PDLIM2: variants seen among roughly 807,000 people sequenced by gnomAD.
PDLIM2 encodes the protein PDZ and LIM domain 2, also known as PDZ and LIM domain protein 2.
In PDLIM2, 51 loss-of-function variants were observed where a neutral mutation model predicts 54.1. The observed-to-expected ratio is 0.94, with a 90% CI of 0.75 to 1.19. The LOEUF (loss-of-function observed/expected upper bound fraction) is 1.19. Ranked by LOEUF, PDLIM2 falls within the 50% of genes most tolerant of loss-of-function variation. PDLIM2 has a pLI of 0.00. For synonymous variants in PDLIM2, 398 were observed against 385.6 expected (o/e 1.03, Z -0.38); for missense variants, 912 against 874.0 (o/e 1.04, Z -0.55).
At chr8:22,586,691 G>C (rs1285593450) in intron 6 of PDLIM2, among the ~76,000 whole-genome samples, 1 of 152,140 alleles carries the variant, frequency 6.6e-6, no homozygotes, top group Non-Finnish European at 1.5e-5. Context: ...TCTGTTCCGC[G>C]ACACCTCTGG....
intron 9 of PDLIM2, 32 bp downstream of exon 8, chr8:22,591,700 C>A: frequency 6.4e-7 from 1 of 1,574,146 alleles, no homozygotes; most frequent in Non-Finnish European, 8.7e-7. Context: ...GGACCTGAGC[C>A]TTCACAGGGG....
At chr8:22,591,516 G>A in intron 8 of PDLIM2, 35 bp from the exon 8 acceptor site, 2 of 1,570,964 alleles carry the variant, frequency 1.3e-6, no homozygotes, top group Middle Eastern at 1.7e-4. Flanking sequence ...GTGGTTGGTG[G>A]GCTCTCACCA....
chr8:22,582,012 C>T (rs754820254), intron 3 of PDLIM2, among the ~76,000 whole-genome samples: 1 of 152,244 alleles, frequency 6.6e-6, no homozygotes, highest in Non-Finnish European at 1.5e-5. Context: ...TCCTCCCCAT[C>T]ACTGAAGGCA....
chr8:22,589,793 G>A (rs1800490554), intron 8 of PDLIM2, 52 bp downstream of exon 7: 2 of 1,547,278 alleles, frequency 1.3e-6, no homozygotes, highest in Non-Finnish European at 1.7e-6. Flanking sequence ...CCGTACCCCG[G>A]GCCCTGACTG....
At chr8:22,589,837 G>A in intron 8 of PDLIM2, 96 bp downstream of exon 7, 1 of 1,481,406 alleles carries the variant, frequency 6.8e-7, no homozygotes, top group Non-Finnish European at 9.1e-7. Flanking sequence ...TTAAGTGCCT[G>A]TGAGGTGCTC....
At position 22,589,587 on chromosome 8, in the gene PDLIM2, A is replaced by T; in HGVS notation, c.1368-9A>T. On this transcript the variant is annotated splice_polypyrimidine_tract_variant and intron_variant, in intron 7 of 9. Coordinates refer to ENST00000308354, the Ensembl canonical transcript of PDLIM2. ...GGACCCTCATTCCTGGCTGCCTCCC[A>T]CCCTGCAGCATGGACTCGGAAGGGG... 1 of 1,591,236 alleles carries T rather than the reference A, an allele frequency of 6.3e-7. No homozygotes were observed. Among genetic ancestry groups the T allele is most frequent in the Non-Finnish European group, 8.5e-7 (1 of 1,170,560 alleles).
Position 22,589,143 on chromosome 8 carries a change from C to T in PDLIM2, c.1291-155C>T, listed in dbSNP as rs529222871. 3 of 598,198 alleles carry T rather than the reference C, an allele frequency of 5.0e-6. No individual in the cohort carries two copies. The South Asian group carries it at 5.8e-5, about 11-fold the overall frequency. The allele number at this position is 598,198 out of a possible 1,614,324, so 37.1% of individuals were successfully genotyped here. On this transcript the variant is annotated intron_variant, in intron 6 of 9. Transcript: ENST00000308354. ...GTCGGCGAGGGCTGGGAGCCCCCGA[C>T]ACCTTGGCTCCAAGGGAAGGGGCAG...
At chr8:22,586,629 A>G (rs989702516) in intron 6 of PDLIM2, among the ~76,000 whole-genome samples, 1 of 152,044 alleles carries the variant, frequency 6.6e-6, no homozygotes, top group African/African-American at 2.4e-5. Flanking sequence ...TTGTTCTGAG[A>G]TGAGCCAGGA....
At chr8:22,591,518 C>T in intron 8 of PDLIM2, 33 bp from the exon 8 acceptor site, 2 of 1,583,912 alleles carry the variant, frequency 1.3e-6, no homozygotes, top group South Asian at 2.2e-5. Context: ...GGTTGGTGGG[C>T]TCTCACCACA....
At chr8:22,597,274 G>C (rs1016922333), downstream of PDLIM2, 2 of 152,288 alleles carry the variant, frequency 1.3e-5, no homozygotes, top group African/African-American at 4.8e-5. Flanking sequence ...ATTCCTTCAA[G>C]CATCACTCAG....
chr8:22,579,667 C>A, intron 1 of PDLIM2: 2 of 1,049,078 alleles, frequency 1.9e-6, no homozygotes, highest in Non-Finnish European at 2.6e-6. Flanking sequence ...TTGATAGATT[C>A]TCGCAGCACT....
chr8:22,590,664 G>A (rs1800515895), intron 8 of PDLIM2: 1 of 152,328 alleles, frequency 6.6e-6, no homozygotes, highest in Non-Finnish European at 1.5e-5. Flanking sequence ...AGAGAAGCTG[G>A]TTTCCCAGGA....
At chr8:22,580,801 AG>A in intron 2 of PDLIM2, 104 bp downstream of exon 1, 1 of 1,235,686 alleles carries the variant, frequency 8.1e-7, no homozygotes, top group Non-Finnish European at 1.2e-6. Flanking sequence ...TTCTGGAGCT[AG>A]GGATCTGCTG....
chr8:22,590,012 T>G, intron 8 of PDLIM2: 1 of 451,100 alleles, frequency 2.2e-6, no homozygotes, highest in East Asian at 4.1e-5. Context: ...ATAAAAGCGG[T>G]GGCAGGGCCT....
exon 10 of PDLIM2, chr8:22,593,966 TTGGCA>T (rs1800627264): frequency 1.3e-6 from 2 of 1,516,548 alleles, no homozygotes; most frequent in East Asian, 4.9e-5. Context: ...CCTATATAAG[TTGGCA>T]TGGCAGGGAC....
chr8:22,580,740 G>T (rs1331558231), intron 2 of PDLIM2, 43 bp downstream of exon 1: 2 of 1,597,748 alleles, frequency 1.3e-6, no homozygotes, highest in African/African-American at 2.7e-5. Flanking sequence ...CCTGCCAGAA[G>T]CGAGGTCGGC....
chr8:22,589,185 G>C, intron 6 of PDLIM2, 113 bp from the exon 6 acceptor site: 1 of 1,103,368 alleles, frequency 9.1e-7, no homozygotes, highest in African/African-American at 1.6e-5. Flanking sequence ...GCTGGTCGGC[G>C]AGGGCCGGGG....
chr8:22,582,912 C>A (rs1291992899), intron 3 of PDLIM2, among the ~76,000 whole-genome samples: 29 of 99,210 alleles, frequency 2.9e-4, no homozygotes, highest in South Asian at 9.8e-4. Flanking sequence ...GATGCCCACC[C>A]CCCCCCCCGC....
intron 1 of PDLIM2, chr8:22,579,749 C>T: frequency 2.2e-6 from 1 of 459,250 alleles, no homozygotes; most frequent in Non-Finnish European, 3.7e-6. Context: ...GGCTTCCTGC[C>T]TGGATTGGCT....
Sources: allele counts gnomAD v4.1 joint callset (sites outside exome capture counted in the v4.1 genomes callset), GRCh38; gene constraint gnomAD v4.1.1; transcripts MANE v1.5; gene names NCBI Gene and HGNC (gene_info 2026-07-23, HGNC 2026-07-21).